Variants in NADK observed in about 807,000 individuals in gnomAD.
NADK encodes poly(P)/ATP NAD kinase.
Under a neutral mutation model 49.8 loss-of-function variants are expected in NADK, and 22 were observed. That is an observed-to-expected ratio of 0.44 (90% CI 0.32 to 0.63). The LOEUF (loss-of-function observed/expected upper bound fraction) is 0.63, where lower values mean the gene tolerates loss of function less well. Among genes scored for constraint, NADK ranks in the 30% least tolerant of loss-of-function variants. The pLI is 0.06. For missense variants in NADK, 438 were observed against 609.4 expected, an observed-to-expected ratio of 0.72 and a Z score of 2.96; for synonymous variants, 268 against 253.7, an observed-to-expected ratio of 1.06 and a Z score of -0.54.
chr1:1,757,242 T>C lies in NADK; in HGVS notation c.332A>G (p.Lys111Arg). The change falls in exon 4 of 12, where the codon AAG becomes AGG. Residue 111 changes from lysine to arginine, a missense_variant. Physicochemically the swap from Lys to Arg is conservative, Grantham distance 26. Transcript: ENST00000341426. ...CAGTAGGCTGGCATCTCTCATCTTCTTGATGACAAGGACGCTCTTTGGGGA... is the reference window on the plus strand; with the variant it reads ...CAGTAGGCTGGCATCTCTCATCTTCCTGATGACAAGGACGCTCTTTGGGGA... ...NKSPKSVLVI[K>R]KMRDASLLQP... 1 of 1,609,962 alleles carries C rather than the reference T, an allele frequency of 6.2e-7. No individual in the cohort carries two copies. The highest frequency in any genetic ancestry group is 8.5e-7 in the Non-Finnish European group (1 of 1,177,678).
In NADK at chr1:1,752,892, T is replaced by C. The variant is rs898507245; in HGVS notation, c.*12A>G. ...GGCAGCGGAAGGATTCGGGCCTGGA[T>C]AGGGGCTTGACCTAGCCCTCCTCCT... On this transcript the variant is annotated 3_prime_UTR_variant, in exon 12 of 12. Coordinates refer to ENST00000341426, the MANE Select transcript of NADK (RefSeq NM_023018.5). The C allele has an allele frequency of 3.1e-6, 5 of 1,607,776 alleles. No homozygotes were observed. Among genetic ancestry groups the C allele is most frequent in the African/African-American group, 2.7e-5 (2 of 74,648 alleles).
intron 1 of NADK, among the ~76,000 whole-genome samples, chr1:1,773,687 T>C (rs113751848): frequency 2.0e-4 from 15 of 76,776 alleles, no homozygotes; most frequent in African/African-American, 5.2e-4. Context: ...TGTGTGTGTG[T>C]GTGTGTGTGT....
intron 3 of NADK, among the ~76,000 whole-genome samples, chr1:1,760,939 C>T (rs1238366275): frequency 1.3e-5 from 2 of 152,044 alleles, no homozygotes; most frequent in African/African-American, 2.4e-5. Context: ...AGGTGATCCT[C>T]CCGCCCCAGC....
chr1:1,778,031 A>C lies in NADK; in HGVS notation c.-41+258T>G, dbSNP rs1646262317. Among the ~76,000 whole-genome samples, 5 of 151,982 alleles carry C rather than the reference A, an allele frequency of 3.3e-5. No homozygotes were observed. In the South Asian group the frequency reaches 1.0e-3, roughly 32 times the overall value. Reference sequence around the variant, plus strand: ...AGCGCGGTCCGGGCTGGACGGCCCCACCTTCCCCGCCCGGGAGAGCCAGGC... The same window carrying C: ...AGCGCGGTCCGGGCTGGACGGCCCCCCCTTCCCCGCCCGGGAGAGCCAGGC... On this transcript the variant is annotated intron_variant, in intron 1 of 11. Coordinates refer to ENST00000341426, the MANE Select transcript of NADK (RefSeq NM_023018.5). The surrounding 1 kb of genome is among the most constrained non-coding windows in gnomAD (Gnocchi z 4.9).
At position 1,752,937 on chromosome 1, in the gene NADK, G is replaced by A. The variant is rs144140745; in HGVS notation, c.1308C>T (p.Phe436=). 16 of 1,542,918 alleles carry A rather than the reference G, an allele frequency of 1.0e-5. No individual in the cohort carries two copies. The highest frequency in any genetic ancestry group is 3.9e-5 in the Admixed American group (2 of 51,626). ...CCTCCTCCTCCTCCTCCTCCTCCTC[G>A]AAGTGGGCTTGCTTCTTCCGGACGT... ...HWNVRKKQAH[F]EEEEEEEEEG Residue 436 remains phenylalanine, a synonymous_variant, in exon 12 of 12, where the codon TTC becomes TTT. Coordinates refer to ENST00000341426, the MANE Select transcript of NADK (RefSeq NM_023018.5).
In NADK at chr1:1,752,894, G is replaced by A. The variant is rs747480083; in HGVS notation, c.*10C>T. On this transcript the variant is annotated 3_prime_UTR_variant, in exon 12 of 12. Transcript: ENST00000341426. ...CAGCGGAAGGATTCGGGCCTGGATAGGGGCTTGACCTAGCCCTCCTCCTCC... is the reference window on the plus strand; with the variant it reads ...CAGCGGAAGGATTCGGGCCTGGATAAGGGCTTGACCTAGCCCTCCTCCTCC... 4 of 1,607,060 alleles carry A rather than the reference G, an allele frequency of 2.5e-6. No individual in the cohort carries two copies. Among genetic ancestry groups the A allele is most frequent in the South Asian group, 1.1e-5 (1 of 90,356 alleles).
Position 1,756,294 on chromosome 1 carries a change from T to A in NADK, c.549A>T (p.Gly183=). ...AGGAAGCGTACAGCAGCGTCCCGTC[T>A]CCCCCCAGGCAGATGATGAAGTCTA... The part of the protein sequence containing the change: ...NQIDFIICLG[G]DGTLLYASSL... The change falls in exon 6 of 12, where the codon GGA becomes GGT. Residue 183 remains glycine (G), a synonymous_variant. Coordinates refer to ENST00000341426, the MANE Select transcript of NADK (RefSeq NM_023018.5). 5 of 1,613,824 alleles carry A rather than the reference T, an allele frequency of 3.1e-6. No homozygotes were observed. Among genetic ancestry groups the A allele is most frequent in the Non-Finnish European group, 4.2e-6 (5 of 1,179,962 alleles).
Position 1,752,830 on chromosome 1 carries a change from A to T in NADK, c.*74T>A. The T allele has an allele frequency of 6.6e-7, 1 of 1,520,482 alleles. No homozygotes were observed. The highest frequency in any genetic ancestry group is 8.9e-7 in the Non-Finnish European group (1 of 1,117,944). The allele number at this position is 1,520,482 out of a possible 1,614,324, so 94.2% of individuals were successfully genotyped here. A position where few individuals can be genotyped will look rare whatever the true frequency, so the allele number is the denominator to read the frequency against. ...GCCACTGAGACAGGCGGTCACAGAC[A>T]CACGCAGATTGGTCTGTCCCCAGAG... On this transcript the variant is annotated 3_prime_UTR_variant, in exon 12 of 12. Coordinates refer to ENST00000341426, the MANE Select transcript of NADK (RefSeq NM_023018.5).
chr1:1,751,503 CCT>C lies in NADK; in HGVS notation c.*1399_*1400del, dbSNP rs1449535826. ...CTCCTAAGCCCACGGCTGGGCTTCC[CCT>C]GTGCCCAGGGTCATGGCGGACTTCA... On this transcript the variant is annotated 3_prime_UTR_variant, in exon 12 of 12. Coordinates refer to ENST00000341426, the MANE Select transcript of NADK (RefSeq NM_023018.5). 2.7e-5 allele frequency: 3 copies of C among 110,294 alleles called. No individual in the cohort carries two copies. In the East Asian group the frequency reaches 9.2e-4, roughly 34 times the overall value. 6.8% of individuals were successfully genotyped at this position (110,294 alleles called of 1,614,324 possible).
rs1178125755 is a variant in NADK, at chr1:1,754,258, C to T, written c.943+26G>A. The T allele has an allele frequency of 1.2e-6, 2 of 1,613,434 alleles. No homozygotes were observed. The highest frequency in any genetic ancestry group is 1.7e-6 in the Non-Finnish European group (2 of 1,179,920). ...ACTCCCGCCCGAGGGACGCTCAGGG[C>T]CCCAGGACAGTGCTGCGGGCCTTAC... On this transcript the variant is annotated intron_variant, in intron 9 of 11. Coordinates refer to ENST00000341426, the MANE Select transcript of NADK (RefSeq NM_023018.5). This position sits in a 1 kb window ranked among gnomAD's most constrained non-coding sequence, Gnocchi z 4.3.
chr1:1,766,518 C>T (rs901447978), intron 1 of NADK, among the ~76,000 whole-genome samples: 1 of 147,462 alleles, frequency 6.8e-6, no homozygotes, highest in Non-Finnish European at 1.5e-5. Flanking sequence ...TTCAAATACC[C>T]TAGTCCAGAA....
upstream of NADK, chr1:1,780,079 T>G (rs1168082386): frequency 6.6e-6 from 1 of 152,292 alleles, no homozygotes; most frequent in Non-Finnish European, 1.5e-5. Context: ...TCTTAAGCTC[T>G]GTAACTTCTC....
intron 3 of NADK, among the ~76,000 whole-genome samples, chr1:1,757,580 C>T (rs1645571463): frequency 6.6e-6 from 1 of 152,026 alleles, no homozygotes; most frequent in African/African-American, 2.4e-5. Flanking sequence ...CCACGCTGAC[C>T]CAAGTGCACG....
At chr1:1,767,971 A>G (rs1645934780) in intron 1 of NADK, among the ~76,000 whole-genome samples, 1 of 152,064 alleles carries the variant, frequency 6.6e-6, no homozygotes, top group African/African-American at 2.4e-5. Flanking sequence ...TCAGGAGCTC[A>G]AGACCAGCCT....
chr1:1,773,041 CAAAA>C (rs568045574), intron 1 of NADK, among the ~76,000 whole-genome samples: 2 of 55,328 alleles, frequency 3.6e-5, no homozygotes. Flanking sequence ...AACTCCATCT[CAAAA>C]AAAAAAAAAA....
At chr1:1,755,913 C>T (rs1410739581) in intron 6 of NADK, 2 of 480,374 alleles carry the variant, frequency 4.2e-6, no homozygotes, top group South Asian at 2.4e-5. Flanking sequence ...CCTACAGCCC[C>T]AGGGGAGAGC....
rs187612139 is a variant in NADK, at chr1:1,776,481, C to T, written c.-41+1808G>A. ...CAAATGAAACAAACAAACAAAAAGA[C>T]TGGTCCAAGTGAGGCAAGCTGTGGT... On this transcript the variant is annotated intron_variant, in intron 1 of 11. Coordinates refer to ENST00000341426, the MANE Select transcript of NADK (RefSeq NM_023018.5). Among the ~76,000 whole-genome samples the T allele has an allele frequency of 4.3e-4, 66 of 152,178 alleles. 1 individual carries two copies. Among genetic ancestry groups the T allele is most frequent in the African/African-American group, 1.5e-3 (63 of 41,534 alleles).
At position 1,758,605 on chromosome 1, in the gene NADK, T is replaced by C. The variant is rs1280584243; in HGVS notation, c.264-1295A>G. On this transcript the variant is annotated intron_variant, in intron 3 of 11. Coordinates refer to ENST00000341426, the MANE Select transcript of NADK (RefSeq NM_023018.5). ...ACTCAAAACTCAAAGCAAAACACAA[T>C]TGTGATGAGACTTGGTAAAGTTGTT... 6.1e-6 allele frequency: 9 copies of C among 1,479,850 alleles called. No individual in the cohort carries two copies. In the South Asian group the frequency reaches 1.0e-4, roughly 16 times the overall value. The allele number at this position is 1,479,850 out of a possible 1,614,324, so 91.7% of individuals were successfully genotyped here. A position where few individuals can be genotyped will look rare whatever the true frequency, so the allele number is the denominator to read the frequency against.
intron 4 of NADK, 83 bp from the exon 5 acceptor site, chr1:1,756,691 G>A (rs1200169383): frequency 1.4e-5 from 23 of 1,601,562 alleles, no homozygotes; most frequent in Non-Finnish European, 2.0e-5. Context: ...GGGCGCTGTG[G>A]TCAGAGACCT....
Sources: gnomAD v4.1 joint callset for allele counts (sites outside exome capture counted in the v4.1 genomes callset) on GRCh38, gnomAD v4.1.1 for gene constraint, Gnocchi (gnomAD v3.1) non-coding constraint, MANE v1.5 for transcripts, NCBI Gene and HGNC (gene_info 2026-07-23, HGNC 2026-07-21) for gene names.